GRM8: variants seen among roughly 807,000 people sequenced by gnomAD.
The protein encoded by GRM8 is metabotropic glutamate receptor 8.
A neutral mutation model predicts 87.2 loss-of-function variants in GRM8; 47 were observed. That is an observed-to-expected ratio of 0.54 (90% CI 0.43 to 0.69). GRM8 has a LOEUF of 0.69. Ranked by LOEUF, GRM8 falls within the 30% of genes least tolerant of loss-of-function variation. GRM8 has a pLI of 0.00. For missense variants in GRM8, 1,019 were observed against 1,139.2 expected (o/e 0.89, Z 1.52); for synonymous variants, 396 against 404.5 (o/e 0.98, Z 0.25).
chr7:126,618,366 A>G (rs1428107694), intron 7 of GRM8, among the ~76,000 whole-genome samples: 2 of 152,232 alleles, frequency 1.3e-5, no homozygotes, highest in African/African-American at 4.8e-5. Context: ...CACCTTATAC[A>G]AAAATTAATT....
intron 6 of GRM8, among the ~76,000 whole-genome samples, chr7:126,898,012 A>G (rs1213907119): frequency 6.6e-6 from 1 of 152,078 alleles, no homozygotes; most frequent in Admixed American, 6.6e-5. Flanking sequence ...TACATTGCCA[A>G]TTTTGCCCCC....
intron 3 of GRM8, among the ~76,000 whole-genome samples, chr7:126,988,138 C>G (rs1812297275): frequency 6.6e-6 from 1 of 152,060 alleles, no homozygotes; most frequent in Non-Finnish European, 1.5e-5. Context: ...GAATATATAT[C>G]AAGCTACTAT....
intron 3 of GRM8, among the ~76,000 whole-genome samples, chr7:127,079,094 T>C (rs747721765): frequency 1.3e-5 from 2 of 152,148 alleles, no homozygotes; most frequent in Non-Finnish European, 2.9e-5. Context: ...TTTATTTATA[T>C]ATACATGTGG....
At chr7:126,958,918 C>T (rs1358849828) in intron 3 of GRM8, among the ~76,000 whole-genome samples, 2 of 152,160 alleles carry the variant, frequency 1.3e-5, no homozygotes, top group Admixed American at 6.5e-5. Flanking sequence ...AGTAAAGCTG[C>T]CCAATGTTAT....
At chr7:126,862,932 C>A (rs1774651534) in intron 6 of GRM8, among the ~76,000 whole-genome samples, 1 of 151,968 alleles carries the variant, frequency 6.6e-6, no homozygotes, top group South Asian at 2.1e-4. Flanking sequence ...TTAGTAATTT[C>A]TCCATTCTTT....
chr7:126,564,361 T>C (rs1362909863), intron 8 of GRM8, among the ~76,000 whole-genome samples: 1 of 152,274 alleles, frequency 6.6e-6, no homozygotes, highest in East Asian at 1.9e-4. Context: ...TACCAGCATA[T>C]GGAACCAGAC....
At chr7:127,010,766 C>T (rs779538049) in intron 3 of GRM8, among the ~76,000 whole-genome samples, 1 of 152,044 alleles carries the variant, frequency 6.6e-6, no homozygotes, top group African/African-American at 2.4e-5. Flanking sequence ...ACTCAGTATA[C>T]CCAACACAGT....
At chr7:126,794,148 T>TGAA (rs1821687074) in intron 6 of GRM8, among the ~76,000 whole-genome samples, 2 of 151,888 alleles carry the variant, frequency 1.3e-5, no homozygotes, top group Admixed American at 1.3e-4. Flanking sequence ...GCTCTATTAC[T>TGAA]GAAACCACAT....
chr7:127,217,727 T>C (rs1308468784), intron 2 of GRM8, among the ~76,000 whole-genome samples: 1 of 152,224 alleles, frequency 6.6e-6, no homozygotes, highest in African/African-American at 2.4e-5. Context: ...ACATTCTGAA[T>C]TGGCCAGTAC....
chr7:126,679,558 G>C (rs868234205), intron 7 of GRM8, among the ~76,000 whole-genome samples: 1 of 152,154 alleles, frequency 6.6e-6, no homozygotes, highest in South Asian at 2.1e-4. Flanking sequence ...TAGTAAGGTA[G>C]AAGCTGGAAA....
At chr7:126,586,145 A>G (rs1222230695) in intron 8 of GRM8, among the ~76,000 whole-genome samples, 1 of 152,218 alleles carries the variant, frequency 6.6e-6, no homozygotes, top group Non-Finnish European at 1.5e-5. Flanking sequence ...GAACTCTTCA[A>G]GGAGAACTAC....
intron 8 of GRM8, among the ~76,000 whole-genome samples, chr7:126,579,287 T>G (rs543123062): frequency 6.6e-6 from 1 of 152,340 alleles, no homozygotes; most frequent in South Asian, 2.1e-4. Flanking sequence ...TTTTTGTGAC[T>G]GGTATTCTTT....
At chr7:127,152,366 T>G (rs1430133995) in intron 2 of GRM8, among the ~76,000 whole-genome samples, 1 of 152,042 alleles carries the variant, frequency 6.6e-6, no homozygotes, top group African/African-American at 2.4e-5. Flanking sequence ...TGGTGGTGGT[T>G]AACAGGCAAA....
chr7:126,990,279 G>A (rs748362437), intron 3 of GRM8, among the ~76,000 whole-genome samples: 31 of 151,444 alleles, frequency 2.0e-4, no homozygotes, highest in Admixed American at 3.3e-4. Flanking sequence ...TCTGGCTGAT[G>A]AGATACAAGC....
intron 9 of GRM8, among the ~76,000 whole-genome samples, chr7:126,470,561 A>G (rs367723893): frequency 6.6e-6 from 1 of 151,914 alleles, no homozygotes; most frequent in Non-Finnish European, 1.5e-5. Context: ...TGGTGTATAT[A>G]TGCCACATTT....
At chr7:127,025,675 T>C (rs542656503) in intron 3 of GRM8, among the ~76,000 whole-genome samples, 1 of 152,090 alleles carries the variant, frequency 6.6e-6, no homozygotes, top group East Asian at 1.9e-4. Context: ...TGTGTACCAC[T>C]CACTGGAAGT....
chr7:127,089,547 A>C (rs1823851992), intron 3 of GRM8, among the ~76,000 whole-genome samples: 1 of 152,218 alleles, frequency 6.6e-6, no homozygotes, highest in Non-Finnish European at 1.5e-5. Context: ...AGCACACCAG[A>C]AAGCAGAGCC....
chr7:126,554,547 C>A (rs916810665), intron 8 of GRM8, among the ~76,000 whole-genome samples: 1 of 151,918 alleles, frequency 6.6e-6, no homozygotes, highest in African/African-American at 2.4e-5. Flanking sequence ...GAGTTATGAT[C>A]GTGCCACTGC....
chr7:126,972,042 G>A lies in GRM8; in HGVS notation c.728-67359C>T, dbSNP rs17866272. 9.1e-3 allele frequency among the ~76,000 whole-genome samples: 1,383 copies of A among 152,246 alleles called. 22 individuals carry two copies. Among genetic ancestry groups the A allele is most frequent in the African/African-American group, 0.031 (1,304 of 41,560 alleles). ...ACAGGGTCTGCAGGTCACTGTAGCC[G>A]AATAACAGGTCCCTAGGCTGAGTAG... On this transcript the variant is annotated intron_variant, in intron 3 of 10. Coordinates refer to ENST00000339582, the MANE Select transcript of GRM8 (RefSeq NM_000845.3).
Sources: allele counts gnomAD v4.1 joint callset (sites outside exome capture counted in the v4.1 genomes callset), GRCh38; gene constraint gnomAD v4.1.1; transcripts MANE v1.5; gene names NCBI Gene and HGNC (gene_info 2026-07-23, HGNC 2026-07-21).